Variants in CEP128 observed in about 807,000 individuals in gnomAD.
CEP128 encodes centrosomal protein 128kDa.
In CEP128, 132 loss-of-function variants were observed where a neutral mutation model predicts 156.7. The observed-to-expected ratio is 0.84, with a 90% CI of 0.73 to 0.97. The LOEUF is 0.97. CEP128 is among the 50% of genes least tolerant of loss of function. CEP128 has a pLI of 0.00. For synonymous variants in CEP128, 469 were observed against 448.9 expected (o/e 1.04, Z -0.57); for missense variants, 1,252 against 1,281.9 (o/e 0.98, Z 0.36).
At chr14:80,575,191 C>T (rs1024218452) in intron 20 of CEP128, among the ~76,000 whole-genome samples, 2 of 150,468 alleles carry the variant, frequency 1.3e-5, no homozygotes, top group Non-Finnish European at 3.0e-5. Flanking sequence ...TCTGTAAACC[C>T]ACTGTTAGAA....
At chr14:80,843,904 A>G (rs1023271577) in intron 9 of CEP128, among the ~76,000 whole-genome samples, 3 of 152,026 alleles carry the variant, frequency 2.0e-5, no homozygotes, top group Non-Finnish European at 4.4e-5. Context: ...ACAGCTCCAA[A>G]GCCATCAAAC....
intron 14 of CEP128, among the ~76,000 whole-genome samples, chr14:80,479,381 G>A (rs890329857): frequency 3.3e-5 from 5 of 152,144 alleles, no homozygotes; most frequent in Non-Finnish European, 7.3e-5. Flanking sequence ...AATTGGACTC[G>A]TAGTTCCACA....
chr14:80,871,439 T>G (rs1298998146), intron 8 of CEP128, among the ~76,000 whole-genome samples: 1 of 151,980 alleles, frequency 6.6e-6, no homozygotes, highest in Non-Finnish European at 1.5e-5. Context: ...GGAAGTATGG[T>G]GTAAAGAAAT....
At chr14:80,795,506 AACC>A (rs1381154688) in intron 13 of CEP128, among the ~76,000 whole-genome samples, 1 of 152,152 alleles carries the variant, frequency 6.6e-6, no homozygotes, top group Non-Finnish European at 1.5e-5. Context: ...TAAACAACAA[AACC>A]ACCAACTCTA....
At chr14:80,774,247 A>AG (rs1900666604) in intron 16 of CEP128, among the ~76,000 whole-genome samples, 1 of 152,224 alleles carries the variant, frequency 6.6e-6, no homozygotes, top group African/African-American at 2.4e-5. Flanking sequence ...CATGACAAGA[A>AG]ACACAATCTA....
intron 4 of CEP128, 109 bp from the exon 5 acceptor site, chr14:80,906,190 A>G: frequency 1.3e-6 from 1 of 752,114 alleles, no homozygotes; most frequent in African/African-American, 1.8e-5. Context: ...GGTTCCCCCC[A>G]AAAAAAGGTA....
chr14:80,767,680 A>T (rs1475742048), intron 16 of CEP128, among the ~76,000 whole-genome samples: 1 of 152,096 alleles, frequency 6.6e-6, no homozygotes, highest in Non-Finnish European at 1.5e-5. Flanking sequence ...CTTGCACAGG[A>T]ATATTAGGTG....
intron 19 of CEP128, among the ~76,000 whole-genome samples, chr14:80,618,903 C>T (rs1334551055): frequency 1.3e-5 from 2 of 152,106 alleles, no homozygotes; most frequent in East Asian, 1.9e-4. Context: ...TGCTACTGGT[C>T]GATAAACCAA....
At position 80,666,643 on chromosome 14, in the gene CEP128, T is replaced by A. The variant is rs554720353; in HGVS notation, c.2806+76432A>T. ...CCTACTGCATAAATAATGGAAACTTTCTTTGTAAGATGTTAGGGATATTGC... is the reference window on the plus strand; with the variant it reads ...CCTACTGCATAAATAATGGAAACTTACTTTGTAAGATGTTAGGGATATTGC... On this transcript the variant is annotated intron_variant, in intron 19 of 24. Coordinates refer to ENST00000555265, the MANE Select transcript of CEP128 (RefSeq NM_152446.5). Among the ~76,000 whole-genome samples, 5 of 152,030 alleles carry A rather than the reference T, an allele frequency of 3.3e-5. No individual in the cohort carries two copies. In the East Asian group the frequency reaches 9.7e-4, roughly 29 times the overall value.
Position 80,899,939 on chromosome 14 carries a change from G to T in CEP128, c.571C>A (p.Arg191=). 6.2e-7 allele frequency: 1 copy of T among 1,608,620 alleles called. No individual in the cohort carries two copies. The highest frequency in any genetic ancestry group is 8.5e-7 in the Non-Finnish European group (1 of 1,175,432). Residue 191 remains arginine (R), a splice_region_variant and synonymous_variant, in exon 7 of 25, where the codon CGG becomes AGG. Transcript: ENST00000555265. ...DFNRELSRRS[R]SDAETKRALE... ...ATAAAAACCATAGGCTGCTTTTACCGGCTCCTTCTGGAAAGCTCCCTGTTG... is the reference window on the plus strand; with the variant it reads ...ATAAAAACCATAGGCTGCTTTTACCTGCTCCTTCTGGAAAGCTCCCTGTTG...
chr14:80,927,116 C>G (rs781782023), intron 2 of CEP128, among the ~76,000 whole-genome samples: 5 of 152,206 alleles, frequency 3.3e-5, no homozygotes, highest in South Asian at 2.1e-4. Flanking sequence ...GCAAGATTCA[C>G]AGTGGTCTGG....
chr14:80,590,785 C>A (rs1892022580), intron 19 of CEP128, among the ~76,000 whole-genome samples: 1 of 152,088 alleles, frequency 6.6e-6, no homozygotes, highest in Non-Finnish European at 1.5e-5. Flanking sequence ...TTAGAGGGAA[C>A]ATTTAAGACT....
In CEP128 at chr14:80,713,759, G is replaced by A. The variant is rs577637045; in HGVS notation, c.2806+29316C>T. Among the ~76,000 whole-genome samples, 14 of 152,198 alleles carry A rather than the reference G, an allele frequency of 9.2e-5. No individual in the cohort carries two copies. The East Asian group carries it at 2.3e-3, about 25-fold the overall frequency. ...ATAACTTCCATTCAGCATTACTTAC[G>A]TGTACTGAGTAAAAGAGAAGGTTGG... On this transcript the variant is annotated intron_variant, in intron 19 of 24. Coordinates refer to ENST00000555265, the MANE Select transcript of CEP128 (RefSeq NM_152446.5).
At chr14:80,859,091 T>G (rs962332860) in intron 9 of CEP128, among the ~76,000 whole-genome samples, 2 of 150,208 alleles carry the variant, frequency 1.3e-5, no homozygotes, top group Non-Finnish European at 3.0e-5. Context: ...TAAAGACACA[T>G]GCACACGTAT....
intron 19 of CEP128, among the ~76,000 whole-genome samples, chr14:80,610,524 C>A (rs1892953417): frequency 6.6e-6 from 1 of 152,010 alleles, no homozygotes; most frequent in Non-Finnish European, 1.5e-5. Flanking sequence ...TTTGGTTTAA[C>A]AATCAAGTAA....
chr14:80,885,508 A>G (rs1888753690), intron 8 of CEP128, among the ~76,000 whole-genome samples: 1 of 152,196 alleles, frequency 6.6e-6, no homozygotes, highest in Non-Finnish European at 1.5e-5. Context: ...GACCTCCAGC[A>G]AACTCCAGCA....
intron 21 of CEP128, among the ~76,000 whole-genome samples, chr14:80,546,096 C>T: frequency 6.6e-6 from 1 of 152,210 alleles, no homozygotes; most frequent in East Asian, 1.9e-4. Flanking sequence ...AATACTAGGA[C>T]AGAATGCAAA....
intron 19 of CEP128, among the ~76,000 whole-genome samples, chr14:80,647,863 A>G (rs887356564): frequency 3.3e-5 from 5 of 152,128 alleles, no homozygotes; most frequent in African/African-American, 1.2e-4. Flanking sequence ...CATTAACACA[A>G]TGCAGTTCTA....
At chr14:80,548,038 G>A (rs1357828030) in intron 21 of CEP128, among the ~76,000 whole-genome samples, 1 of 152,030 alleles carries the variant, frequency 6.6e-6, no homozygotes, top group African/African-American at 2.4e-5. Context: ...GACCTCAGGT[G>A]ATCCACCCTC....
Sources: allele counts gnomAD v4.1 joint callset (sites outside exome capture counted in the v4.1 genomes callset), GRCh38; gene constraint gnomAD v4.1.1; transcripts MANE v1.5; gene names NCBI Gene and HGNC (gene_info 2026-07-23, HGNC 2026-07-21).